The following TEKT5 variants were observed in gnomAD, a reference collection of about 807,000 sequenced individuals.
The protein encoded by TEKT5 is tektin 5, also known as tektin-5.
Under a neutral mutation model 48.7 loss-of-function variants are expected in TEKT5, and 52 were observed. The observed-to-expected ratio is 1.07, with a 90% CI of 0.86 to 1.35. The LOEUF is 1.35. Ranked by LOEUF, TEKT5 falls within the 40% of genes most tolerant of loss-of-function variation. The probability of loss-of-function intolerance (pLI) is 0.00; values close to 1 mark genes in which losing one functional copy is unlikely to be tolerated. For missense variants in TEKT5, 831 were observed against 641.6 expected, an observed-to-expected ratio of 1.30 and a Z score of -3.19; for synonymous variants, 318 against 267.6, an observed-to-expected ratio of 1.19 and a Z score of -1.84.
At chr16:10,641,697 C>T (rs1019906084) in intron 5 of TEKT5, among the ~76,000 whole-genome samples, 2 of 152,180 alleles carry the variant, frequency 1.3e-5, no homozygotes, top group African/African-American at 4.8e-5. Flanking sequence ...TGATGCGCGC[C>T]TGTAGTCCCA....
chr16:10,675,122 G>C (rs1898621680), intron 5 of TEKT5, among the ~76,000 whole-genome samples: 1 of 152,048 alleles, frequency 6.6e-6, no homozygotes, highest in African/African-American at 2.4e-5. Flanking sequence ...CACTGTGCTT[G>C]GCCTTAAAAA....
chr16:10,669,484 T>G (rs544632417), intron 5 of TEKT5, among the ~76,000 whole-genome samples: 84 of 152,200 alleles, frequency 5.5e-4, no homozygotes, highest in East Asian at 2.9e-3. Context: ...AAAGGGAGAT[T>G]GGCAGGTGTT....
chr16:10,663,420 T>G (rs1316419050), intron 5 of TEKT5, among the ~76,000 whole-genome samples: 1 of 152,202 alleles, frequency 6.6e-6, no homozygotes, highest in Non-Finnish European at 1.5e-5. Context: ...TTTTCCAAAT[T>G]GCATGAAGCC....
chr16:10,673,994 G>A (rs553588487), intron 5 of TEKT5, among the ~76,000 whole-genome samples: 5 of 152,154 alleles, frequency 3.3e-5, no homozygotes, highest in Admixed American at 6.5e-5. Flanking sequence ...TGCCACGCAG[G>A]CAGAAAAGAA....
intron 5 of TEKT5, among the ~76,000 whole-genome samples, chr16:10,647,405 G>A (rs955242107): frequency 3.3e-5 from 5 of 151,496 alleles, no homozygotes; most frequent in Non-Finnish European, 5.9e-5. Flanking sequence ...CTGGGATGTC[G>A]AGGCTGCAGT....
At chr16:10,663,664 GC>G (rs1026193579) in intron 5 of TEKT5, among the ~76,000 whole-genome samples, 1 of 152,184 alleles carries the variant, frequency 6.6e-6, no homozygotes, top group Non-Finnish European at 1.5e-5. Context: ...TGACATTTGA[GC>G]CCAGATATAT....
In TEKT5 at chr16:10,694,829, G is replaced by T. The variant is rs139541607; in HGVS notation, c.45C>A (p.Pro15=). 1 of 1,601,728 alleles carries T rather than the reference G, an allele frequency of 6.2e-7. No individual in the cohort carries two copies. Among genetic ancestry groups the T allele is most frequent in the Non-Finnish European group, 8.5e-7 (1 of 1,174,680 alleles). The change falls in exon 1 of 7, where the codon CCC becomes CCA. Residue 15 remains proline, a synonymous_variant. Transcript: ENST00000283025. ...GTGAGGTCAAGCCACAGCATTTCTT[G>T]GGACCACAGTAACTGGCGGTCTGAG... The part of the protein sequence containing the change: ...GTTQTASYCG[P]KKCCGLTSLP...
intron 5 of TEKT5, among the ~76,000 whole-genome samples, chr16:10,667,968 C>T (rs1262324470): frequency 2.0e-5 from 3 of 152,018 alleles, no homozygotes; most frequent in African/African-American, 7.2e-5. Flanking sequence ...ACCTCCACCT[C>T]CCAGGTTCAA....
chr16:10,660,027 C>A (rs4780971), intron 5 of TEKT5, among the ~76,000 whole-genome samples: 27,406 of 152,162 alleles, frequency 0.18, 2,565 homozygotes, highest in Middle Eastern at 0.32. Flanking sequence ...TTTTAATTTA[C>A]AAGGAATCCA....
At chr16:10,693,838 C>T (rs1899024016) in intron 1 of TEKT5, among the ~76,000 whole-genome samples, 2 of 152,124 alleles carry the variant, frequency 1.3e-5, no homozygotes, top group Non-Finnish European at 1.5e-5. Context: ...GCCATGGTGG[C>T]GGGCACCTGT....
At position 10,683,132 on chromosome 16, in the gene TEKT5, G is replaced by C. The variant is rs74009818; in HGVS notation, c.720-996C>G. 8.9e-3 allele frequency among the ~76,000 whole-genome samples: 899 copies of C among 101,172 alleles called. 7 individuals carry two copies. Among genetic ancestry groups the C allele is most frequent in the African/African-American group, 0.039 (869 of 22,398 alleles). The allele number at this position is 101,172 out of a possible 152,430, so 66.4% of individuals were successfully genotyped here. A position where few individuals can be genotyped will look rare whatever the true frequency, so the allele number is the denominator to read the frequency against. ...TGAGGGTGAGAGGGTGGTCAGGGAAGGCTTTCCAAGGTGTCTGAGCTGGGT... is the reference window on the plus strand; with the variant it reads ...TGAGGGTGAGAGGGTGGTCAGGGAACGCTTTCCAAGGTGTCTGAGCTGGGT... On this transcript the variant is annotated intron_variant, in intron 3 of 6. Transcript: ENST00000283025.
At chr16:10,631,430 A>G (rs77216984) in intron 6 of TEKT5, among the ~76,000 whole-genome samples, 7,159 of 151,150 alleles carry the variant, frequency 0.047, 558 homozygotes, top group African/African-American at 0.16. Flanking sequence ...GCTGTGTAAG[A>G]TGAGATTGGA....
intron 5 of TEKT5, among the ~76,000 whole-genome samples, chr16:10,657,492 G>C (rs1403374021): frequency 2.0e-5 from 3 of 152,080 alleles, no homozygotes; most frequent in South Asian, 2.1e-4. Flanking sequence ...TAGAGAAATA[G>C]GAGTGAATCC....
intron 5 of TEKT5, among the ~76,000 whole-genome samples, chr16:10,653,561 C>T (rs1001942343): frequency 1.3e-5 from 2 of 152,350 alleles, no homozygotes; most frequent in East Asian, 1.9e-4. Flanking sequence ...TGAGCCCTTT[C>T]TAGCTGCCAG....
At chr16:10,656,928 T>C (rs1898272100) in intron 5 of TEKT5, among the ~76,000 whole-genome samples, 1 of 150,612 alleles carries the variant, frequency 6.6e-6, no homozygotes, top group Admixed American at 6.6e-5. Context: ...TGTGTAGAGA[T>C]GGGGTCTGCT....
At chr16:10,680,046 G>C (rs183479061) in intron 4 of TEKT5, among the ~76,000 whole-genome samples, 1 of 152,348 alleles carries the variant, frequency 6.6e-6, no homozygotes, top group Admixed American at 6.5e-5. Context: ...GGTCCCTCCT[G>C]GGTGTGGAAA....
intron 4 of TEKT5, among the ~76,000 whole-genome samples, chr16:10,677,786 C>G (rs1350331819): frequency 2.4e-5 from 3 of 123,080 alleles, no homozygotes; most frequent in Non-Finnish European, 5.4e-5. Flanking sequence ...CCCTCCCACA[C>G]TCTGTCTTCT....
chr16:10,660,237 G>A (rs1596409404), intron 5 of TEKT5, among the ~76,000 whole-genome samples: 2 of 152,262 alleles, frequency 1.3e-5, no homozygotes, highest in Non-Finnish European at 2.9e-5. Flanking sequence ...GGTTGCCTGT[G>A]TAATAGAAAA....
At chr16:10,649,754 G>T (rs1462448581) in intron 5 of TEKT5, among the ~76,000 whole-genome samples, 2 of 152,110 alleles carry the variant, frequency 1.3e-5, no homozygotes, top group African/African-American at 4.8e-5. Context: ...GAAATTTTTA[G>T]GTGACTCAGT....
Sources: allele counts gnomAD v4.1 joint callset (sites outside exome capture counted in the v4.1 genomes callset), GRCh38; gene constraint gnomAD v4.1.1; transcripts MANE v1.5; gene names NCBI Gene and HGNC (gene_info 2026-07-23, HGNC 2026-07-21).